PCDH9: variants seen among roughly 807,000 people sequenced by gnomAD.
The protein encoded by PCDH9 is protocadherin-9.
A neutral mutation model predicts 70.6 loss-of-function variants in PCDH9; 24 were observed. The observed-to-expected ratio is 0.34, with a 90% CI of 0.25 to 0.48. The LOEUF is 0.48. Among genes scored for constraint, PCDH9 ranks in the 20% least tolerant of loss-of-function variants. PCDH9 has a pLI of 0.99. For synonymous variants in PCDH9, 562 were observed against 558.5 expected, an observed-to-expected ratio of 1.01 and a Z score of -0.09; for missense variants, 1,281 against 1,503.6, an observed-to-expected ratio of 0.85 and a Z score of 2.45.
At chr13:66,481,835 C>A (rs1178579700) in intron 4 of PCDH9, among the ~76,000 whole-genome samples, 2 of 152,044 alleles carry the variant, frequency 1.3e-5, no homozygotes, top group African/African-American at 2.4e-5. Context: ...AATCTAAAAT[C>A]TCCGCATCTG....
intron 4 of PCDH9, among the ~76,000 whole-genome samples, chr13:66,367,363 G>C (rs2138207617): frequency 6.6e-6 from 1 of 152,218 alleles, no homozygotes; most frequent in African/African-American, 2.4e-5. Context: ...GTTCAGAATA[G>C]AGGCTACAAA....
At chr13:66,570,943 G>A (rs993055172) in intron 4 of PCDH9, among the ~76,000 whole-genome samples, 1 of 151,980 alleles carries the variant, frequency 6.6e-6, no homozygotes, top group Middle Eastern at 3.2e-3. Flanking sequence ...GCATAAAAGG[G>A]AGGAGGGAGG....
chr13:66,983,601 A>T (rs955836306), intron 2 of PCDH9, among the ~76,000 whole-genome samples: 1 of 152,318 alleles, frequency 6.6e-6, no homozygotes. Flanking sequence ...CTTTAAAAAT[A>T]TTCTCAAATT....
intron 2 of PCDH9, among the ~76,000 whole-genome samples, chr13:66,980,289 C>A (rs1173558791): frequency 6.6e-6 from 1 of 152,086 alleles, no homozygotes; most frequent in African/African-American, 2.4e-5. Context: ...CAGAGATGAT[C>A]TTCATCACAC....
At chr13:66,690,069 C>T (rs948274689) in intron 3 of PCDH9, among the ~76,000 whole-genome samples, 4 of 152,032 alleles carry the variant, frequency 2.6e-5, no homozygotes, top group Non-Finnish European at 5.9e-5. Context: ...AAGACATATG[C>T]CAGTAAAAGT....
intron 3 of PCDH9, among the ~76,000 whole-genome samples, chr13:66,718,372 G>A (rs2078898035): frequency 6.6e-6 from 1 of 152,050 alleles, no homozygotes; most frequent in South Asian, 2.1e-4. Flanking sequence ...GTTCGGAGGG[G>A]TTAAATAATT....
At chr13:66,440,551 A>T (rs2138399842) in intron 4 of PCDH9, among the ~76,000 whole-genome samples, 1 of 152,170 alleles carries the variant, frequency 6.6e-6, no homozygotes, top group African/African-American at 2.4e-5. Flanking sequence ...AGTCTGCAAT[A>T]TGATTTATAA....
At chr13:67,058,340 T>G (rs1172502073) in intron 2 of PCDH9, among the ~76,000 whole-genome samples, 1 of 152,138 alleles carries the variant, frequency 6.6e-6, no homozygotes, top group Non-Finnish European at 1.5e-5. Context: ...CTGCAGGATA[T>G]GATTGAACAC....
chr13:66,403,920 G>C (rs935943361), intron 4 of PCDH9, among the ~76,000 whole-genome samples: 19 of 152,174 alleles, frequency 1.2e-4, no homozygotes, highest in Admixed American at 5.2e-4. Flanking sequence ...ATAGTCCACA[G>C]TTGCTGGGAG....
chr13:67,066,085 A>G (rs1052123709), intron 2 of PCDH9, among the ~76,000 whole-genome samples: 3 of 152,318 alleles, frequency 2.0e-5, no homozygotes, highest in African/African-American at 4.8e-5. Flanking sequence ...TTAGTTTTCA[A>G]AAATGATATA....
At chr13:66,554,731 A>G (rs2138688556) in intron 4 of PCDH9, among the ~76,000 whole-genome samples, 1 of 152,288 alleles carries the variant, frequency 6.6e-6, no homozygotes, top group South Asian at 2.1e-4. Context: ...GAGATACTAA[A>G]GATTAATTTA....
chr13:67,090,521 T>C (rs1486897381), intron 2 of PCDH9, among the ~76,000 whole-genome samples: 2 of 151,872 alleles, frequency 1.3e-5, no homozygotes, highest in Non-Finnish European at 2.9e-5. Context: ...TAGCTTACTG[T>C]ATGGCAAACA....
intron 2 of PCDH9, among the ~76,000 whole-genome samples, chr13:67,029,165 C>T (rs549412679): frequency 6.6e-6 from 1 of 152,198 alleles, no homozygotes; most frequent in African/African-American, 2.4e-5. Flanking sequence ...ACTTAAAGAA[C>T]TTTGGAAATT....
At chr13:66,682,409 T>C (rs895120153) in intron 3 of PCDH9, among the ~76,000 whole-genome samples, 1 of 151,708 alleles carries the variant, frequency 6.6e-6, no homozygotes. Flanking sequence ...TCATCTATCA[T>C]CTTCTTCTTT....
intron 4 of PCDH9, among the ~76,000 whole-genome samples, chr13:66,431,294 A>G (rs1425642711): frequency 6.6e-6 from 1 of 152,022 alleles, no homozygotes; most frequent in African/African-American, 2.4e-5. Context: ...AGCACTCCAT[A>G]TTGGCTCACT....
chr13:66,811,761 T>TTCTC (rs998726628), intron 3 of PCDH9, among the ~76,000 whole-genome samples: 2 of 149,720 alleles, frequency 1.3e-5, no homozygotes, highest in East Asian at 2.0e-4. Flanking sequence ...TTCTTTTTCT[T>TTCTC]TCTCTCTCTC....
chr13:67,095,827 G>A (rs930827826), intron 2 of PCDH9, among the ~76,000 whole-genome samples: 9 of 152,136 alleles, frequency 5.9e-5, no homozygotes, highest in East Asian at 1.9e-4. Flanking sequence ...GCTGTGTTAC[G>A]TAACAACACA....
chr13:66,853,724 A>T (rs1445651389), intron 3 of PCDH9, among the ~76,000 whole-genome samples: 1 of 151,514 alleles, frequency 6.6e-6, no homozygotes, highest in East Asian at 1.9e-4. Flanking sequence ...TGGGATAATG[A>T]CTGATTCATA....
intron 2 of PCDH9, among the ~76,000 whole-genome samples, chr13:67,127,028 G>A (rs1474622708): frequency 6.6e-6 from 1 of 152,044 alleles, no homozygotes; most frequent in South Asian, 2.1e-4. Context: ...CTATGTCTTA[G>A]GTGGGAAACA....
Sources: allele counts gnomAD v4.1 joint callset (sites outside exome capture counted in the v4.1 genomes callset), GRCh38; gene constraint gnomAD v4.1.1; transcripts MANE v1.5; gene names NCBI Gene and HGNC (gene_info 2026-07-23, HGNC 2026-07-21).